Variants in TUBGCP4 observed in about 807,000 individuals in gnomAD.
TUBGCP4 encodes the protein gamma-tubulin complex component 4.
TUBGCP4 carries 54 observed loss-of-function variants against 91.6 expected under a neutral mutation model. That is an observed-to-expected ratio of 0.59 (90% CI 0.47 to 0.74). The LOEUF (loss-of-function observed/expected upper bound fraction) is 0.74. TUBGCP4 is among the 30% of genes least tolerant of loss of function. The probability of loss-of-function intolerance (pLI) is 0.00; values close to 1 mark genes in which losing one functional copy is unlikely to be tolerated. For synonymous variants in TUBGCP4, 297 were observed against 302.8 expected (o/e 0.98, Z 0.20); for missense variants, 593 against 800.9 (o/e 0.74, Z 3.13).
intron 11 of TUBGCP4, among the ~76,000 whole-genome samples, chr15:43,396,904 C>T (rs1595496006): frequency 6.6e-6 from 1 of 152,166 alleles, no homozygotes. Context: ...TATAGCATAA[C>T]AAAGTAGAGT....
At chr15:43,381,140 C>T (rs1418312941) in intron 6 of TUBGCP4, among the ~76,000 whole-genome samples, 1 of 152,154 alleles carries the variant, frequency 6.6e-6, no homozygotes, top group Non-Finnish European at 1.5e-5. Flanking sequence ...CTAACCACTG[C>T]ATGAGTAAAT....
intron 14 of TUBGCP4, 78 bp downstream of exon 14, chr15:43,400,299 C>A: frequency 1.7e-6 from 2 of 1,143,848 alleles, no homozygotes; most frequent in Non-Finnish European, 2.5e-6. Context: ...TGAATAGGGA[C>A]TACAAGTTTC....
At position 43,403,756 on chromosome 15, in the gene TUBGCP4, C is replaced by A. The variant is rs780665255; in HGVS notation, c.1805C>A (p.Pro602Gln). The A allele has an allele frequency of 6.2e-7, 1 of 1,613,872 alleles. No individual in the cohort carries two copies. The highest frequency in any genetic ancestry group is 2.2e-5 in the East Asian group (1 of 44,870). The change falls in exon 16 of 18, where the codon CCA becomes CAA. Residue 602 changes from proline (P) to glutamine (Q), a missense_variant. Pro to Gln is a moderately conservative substitution (Grantham distance 76). Coordinates refer to ENST00000564079, the MANE Select transcript of TUBGCP4 (RefSeq NM_014444.5). ...FCSLVSQNLG[P>Q]LDERGAAQLS... ...TCGCTGGTCAGTCAGAACCTAGGCC[C>A]ACTGGATGAGCGTGGAGCCGCCCAG...
chr15:43,385,552 A>G, intron 7 of TUBGCP4: 1 of 526,734 alleles, frequency 1.9e-6, no homozygotes, highest in East Asian at 3.6e-5. Flanking sequence ...TCAGTAGTAA[A>G]GGCAGAGTGA....
rs2044647053 is a variant in TUBGCP4, at chr15:43,400,127, G to A, written c.1502G>A (p.Arg501His). 4.3e-6 allele frequency: 7 copies of A among 1,614,060 alleles called. No homozygotes were observed. The highest frequency in any genetic ancestry group is 1.3e-5 in the African/African-American group (1 of 74,930). ...CACTGCTGGGCCCTACAAATGCAGC[G>A]CAAGCACCTCAAGTCGAACCAGACT... The part of the protein sequence containing the change: ...LQHCWALQMQ[R>H]KHLKSNQTDA... Residue 501 changes from arginine to histidine, a missense_variant, in exon 14 of 18, where the codon CGC (arginine) becomes CAC (histidine). Physicochemically the swap from Arg to His is conservative, Grantham distance 29. Coordinates refer to ENST00000564079, the MANE Select transcript of TUBGCP4 (RefSeq NM_014444.5).
Position 43,408,609 on chromosome 15 carries a change from C to T in TUBGCP4, c.*3395C>T, listed in dbSNP as rs1446727207. On this transcript the variant is annotated 3_prime_UTR_variant, in exon 18 of 18. Transcript: ENST00000564079. ...GGCTGAGAATAATCCAAATCATGCT[C>T]CTGAGCCTATATATTTTTAATGCTT... is the stretch of plus-strand genomic sequence containing the variant. The T allele has an allele frequency of 2.5e-6, 1 of 400,462 alleles. No homozygotes were observed. 24.8% of individuals were successfully genotyped at this position (400,462 alleles called of 1,614,324 possible). A position where few individuals can be genotyped will look rare whatever the true frequency, so the allele number is the denominator to read the frequency against.
chr15:43,385,721 A>G (rs1050927392), intron 7 of TUBGCP4, 70 bp from the exon 8 acceptor site: 21 of 1,512,670 alleles, frequency 1.4e-5, no homozygotes, highest in Non-Finnish European at 1.9e-5. Context: ...TGGGAGAGTT[A>G]CTAGGTATTT....
At position 43,386,344 on chromosome 15, in the gene TUBGCP4, C is replaced by CATATATATAT. The variant is rs1566894338; in HGVS notation, c.1014+14_1014+15insATATATATAT. The stretch of plus-strand genomic sequence containing the variant: ...ACTGTGGCTGAGGTTTGTGTTTCAT[C>CATATATATAT]GTATATATATATATATATATATATA... On this transcript the variant is annotated intron_variant, in intron 9 of 17. Transcript: ENST00000564079. 199 of 245,612 alleles carry CATATATATAT rather than the reference C, an allele frequency of 8.1e-4. 46 individuals carry two copies. The highest frequency in any genetic ancestry group is 6.0e-3 in the African/African-American group (48 of 7,938). The allele number at this position is 245,612 out of a possible 1,614,324, so 15.2% of individuals were successfully genotyped here.
At chr15:43,371,974 T>C (rs1395754980) in intron 1 of TUBGCP4, among the ~76,000 whole-genome samples, 1 of 152,210 alleles carries the variant, frequency 6.6e-6, no homozygotes, top group Non-Finnish European at 1.5e-5. Flanking sequence ...TGCATTATCT[T>C]ATTTAATCCT....
intron 7 of TUBGCP4, chr15:43,385,498 T>G: frequency 2.0e-6 from 1 of 488,814 alleles, no homozygotes; most frequent in Non-Finnish European, 3.9e-6. Flanking sequence ...ACCACCTCTT[T>G]CATCGTACAA....
chr15:43,391,992 T>TTGCAA (rs1273684815), intron 9 of TUBGCP4, among the ~76,000 whole-genome samples: 1 of 151,034 alleles, frequency 6.6e-6, no homozygotes, highest in Non-Finnish European at 1.5e-5. Flanking sequence ...GAGGCAGAGG[T>TTGCAA]TGCAGCAAGC....
At chr15:43,373,801 G>A (rs965147694) in intron 1 of TUBGCP4, among the ~76,000 whole-genome samples, 4 of 151,982 alleles carry the variant, frequency 2.6e-5, no homozygotes, top group South Asian at 2.1e-4. Flanking sequence ...GGCGCCTGCC[G>A]CCACACCCGG....
rs2142857313 is a variant in TUBGCP4, at chr15:43,395,172, G to A, written c.1065+15G>A. The A allele has an allele frequency of 6.2e-7, 1 of 1,613,852 alleles. No individual in the cohort carries two copies. The highest frequency in any genetic ancestry group is 1.7e-4 in the Middle Eastern group (1 of 6,060). On this transcript the variant is annotated intron_variant, in intron 10 of 17. Transcript: ENST00000564079. ...GTCAGCTGAAGGTAATGGCTTAGCT[G>A]TTGTAATTCTTACGGTGATGCTGGT... is the stretch of plus-strand genomic sequence containing the variant.
chr15:43,409,084 A>G lies in TUBGCP4; in HGVS notation c.*3870A>G, dbSNP rs150764275. The G allele has an allele frequency of 5.0e-6, 8 of 1,614,192 alleles. No homozygotes were observed. Among genetic ancestry groups the G allele is most frequent in the Non-Finnish European group, 6.8e-6 (8 of 1,180,024 alleles). ...TGATCCGCAATTAGAAGACACTGGT[A>G]AGCTGTGTTACACTGCAAGAAAAGA... On this transcript the variant is annotated 3_prime_UTR_variant, in exon 18 of 18. Coordinates refer to ENST00000564079, the MANE Select transcript of TUBGCP4 (RefSeq NM_014444.5).
chr15:43,380,956 G>T (rs1033154977), intron 6 of TUBGCP4, among the ~76,000 whole-genome samples: 1 of 151,918 alleles, frequency 6.6e-6, no homozygotes, highest in Admixed American at 6.6e-5. Flanking sequence ...ACTCTGTTTT[G>T]TTCTTTTTTT....
Position 43,409,225 on chromosome 15 carries a change from A to C in TUBGCP4, c.*4011A>C. The C allele has an allele frequency of 1.2e-6, 1 of 801,140 alleles. No homozygotes were observed. Among genetic ancestry groups the C allele is most frequent in the Non-Finnish European group, 2.0e-6 (1 of 496,264 alleles). 49.6% of individuals were successfully genotyped at this position (801,140 alleles called of 1,614,324 possible). ...TACTACCCAAAATGTGATTTAGTCT[A>C]TCCTGCCCAAGGCCACTCTTCTCAC... On this transcript the variant is annotated 3_prime_UTR_variant, in exon 18 of 18. Transcript: ENST00000564079.
intron 9 of TUBGCP4, among the ~76,000 whole-genome samples, chr15:43,393,065 C>G (rs1362568179): frequency 2.0e-5 from 3 of 152,166 alleles, no homozygotes; most frequent in African/African-American, 7.2e-5. Flanking sequence ...GACCAGGCTT[C>G]TTTTACTCAG....
chr15:43,380,612 A>G (rs2044272137), intron 6 of TUBGCP4, among the ~76,000 whole-genome samples: 1 of 152,274 alleles, frequency 6.6e-6, no homozygotes, highest in South Asian at 2.1e-4. Flanking sequence ...AAATAACTAT[A>G]TGCACAAACG....
Position 43,398,063 on chromosome 15 carries a change from G to C in TUBGCP4, c.1302G>C (p.Gly434=). Residue 434 remains glycine (G), a synonymous_variant, in exon 13 of 18, where the codon GGG becomes GGC. Transcript: ENST00000564079. ...EHKDATQARE[G]PSRETSPREA... The stretch of plus-strand genomic sequence containing the variant: ...CAGATGCTACTCAGGCAAGAGAAGG[G>C]CCTTCTCGGGAAACTTCTCCCCGGG... The C allele has an allele frequency of 6.2e-7, 1 of 1,613,672 alleles. No homozygotes were observed.
Sources: gnomAD v4.1 joint callset for allele counts (sites outside exome capture counted in the v4.1 genomes callset) on GRCh38, gnomAD v4.1.1 for gene constraint, MANE v1.5 for transcripts, NCBI Gene and HGNC (gene_info 2026-07-23, HGNC 2026-07-21) for gene names.